The following TMEM132B variants were observed in gnomAD, a reference collection of about 807,000 sequenced individuals.
TMEM132B encodes the protein transmembrane protein 132B.
TMEM132B carries 18 observed loss-of-function variants against 90.8 expected under a neutral mutation model. The ratio of observed to expected loss-of-function variants is 0.20; its 90% CI spans 0.14 to 0.29. TMEM132B has a LOEUF of 0.29. Among genes scored for constraint, TMEM132B ranks in the 10% least tolerant of loss-of-function variants. The pLI is 1.00. For missense variants in TMEM132B, 1,096 were observed against 1,326.8 expected, an observed-to-expected ratio of 0.83 and a Z score of 2.70; for synonymous variants, 504 against 523.3, an observed-to-expected ratio of 0.96 and a Z score of 0.50.
intron 1 of TMEM132B, among the ~76,000 whole-genome samples, chr12:125,191,828 C>A (rs929086232): frequency 2.0e-5 from 3 of 152,126 alleles, no homozygotes; most frequent in African/African-American, 7.2e-5. Flanking sequence ...CTGGTTTATC[C>A]CCTTGGCCAC....
At chr12:125,508,034 C>T (rs111344872) in intron 3 of TMEM132B, among the ~76,000 whole-genome samples, 1,734 of 152,236 alleles carry the variant, frequency 0.011, 11 homozygotes, top group Middle Eastern at 0.034. Context: ...CAGCAGGCTT[C>T]CTGGACACAT....
intron 3 of TMEM132B, among the ~76,000 whole-genome samples, chr12:125,518,293 A>G (rs1417500151): frequency 6.6e-6 from 1 of 152,216 alleles, no homozygotes; most frequent in Non-Finnish European, 1.5e-5. Context: ...TTACACAAGC[A>G]GCAGGCAGCA....
intron 1 of TMEM132B, among the ~76,000 whole-genome samples, chr12:125,273,825 G>A (rs1026845501): frequency 1.3e-5 from 2 of 151,992 alleles, no homozygotes; most frequent in African/African-American, 2.4e-5. Flanking sequence ...ACCACCACAC[G>A]GGCTAATTTT....
chr12:125,613,372 A>G (rs1363263544), intron 5 of TMEM132B, among the ~76,000 whole-genome samples: 1 of 150,510 alleles, frequency 6.6e-6, no homozygotes, highest in African/African-American at 2.4e-5. Context: ...CCTGTAGACA[A>G]CATAGTTGGA....
intron 5 of TMEM132B, among the ~76,000 whole-genome samples, chr12:125,626,728 T>C (rs934802407): frequency 2.6e-5 from 4 of 152,190 alleles, no homozygotes; most frequent in Non-Finnish European, 5.9e-5. Flanking sequence ...GGATTTTCTC[T>C]TTGCTTTTGG....
chr12:125,564,189 G>A (rs1322244715), intron 4 of TMEM132B, among the ~76,000 whole-genome samples: 2 of 152,218 alleles, frequency 1.3e-5, no homozygotes, highest in Non-Finnish European at 2.9e-5. Flanking sequence ...TCATGAGAGC[G>A]AGGGCAACAC....
rs372521741 is a variant in TMEM132B, at chr12:125,564,203, G to A, written c.1294-19648G>A. Among the ~76,000 whole-genome samples, 6 of 152,194 alleles carry A rather than the reference G, an allele frequency of 3.9e-5. No individual in the cohort carries two copies. In the South Asian group the frequency reaches 6.2e-4, roughly 16 times the overall value. On this transcript the variant is annotated intron_variant, in intron 4 of 8. Coordinates refer to ENST00000682704, the MANE Select transcript of TMEM132B (RefSeq NM_001366854.1). Reference sequence around the variant, plus strand: ...TTCATGAGAGCGAGGGCAACACAGCGGTTACTTTGAATGATAATAAAATAG... The same window carrying A: ...TTCATGAGAGCGAGGGCAACACAGCAGTTACTTTGAATGATAATAAAATAG...
chr12:125,302,928 C>G (rs1029047129), intron 1 of TMEM132B, among the ~76,000 whole-genome samples: 3 of 152,082 alleles, frequency 2.0e-5, no homozygotes, highest in African/African-American at 7.2e-5. Flanking sequence ...GAAATCCCGT[C>G]TCTACTAAAA....
rs141506605 is a variant in TMEM132B, at chr12:125,450,945, C to A, written c.1106+35268C>A. Reference sequence around the variant, plus strand: ...AATCATGAGGAAACATTAGACAAACCCCAAATCAGGAGAGATCTATTTTTT... The same window carrying A: ...AATCATGAGGAAACATTAGACAAACACCAAATCAGGAGAGATCTATTTTTT... On this transcript the variant is annotated intron_variant, in intron 3 of 8. Coordinates refer to ENST00000682704, the MANE Select transcript of TMEM132B (RefSeq NM_001366854.1). Among the ~76,000 whole-genome samples, 291 of 152,044 alleles carry A rather than the reference C, an allele frequency of 1.9e-3. 2 individuals carry two copies. The highest frequency in any genetic ancestry group is 6.6e-3 in the African/African-American group (274 of 41,472).
rs142337951 is a variant in TMEM132B at position 125,278,450 on chromosome 12, T to A, written c.68-71002T>A. ...ATTTAACTGTCAATCAAGGTCATCT[T>A]TCCATGTCAAAAATGGGAATCTCCA... On this transcript the variant is annotated intron_variant, in intron 1 of 8. Coordinates refer to ENST00000682704, the MANE Select transcript of TMEM132B (RefSeq NM_001366854.1). Among the ~76,000 whole-genome samples, 65 of 151,300 alleles carry A rather than the reference T, an allele frequency of 4.3e-4. 1 individual carries two copies. The highest frequency in any genetic ancestry group is 7.7e-4 in the Non-Finnish European group (52 of 67,936).
intron 3 of TMEM132B, among the ~76,000 whole-genome samples, chr12:125,463,584 T>G (rs1881492938): frequency 6.6e-6 from 1 of 152,198 alleles, no homozygotes; most frequent in African/African-American, 2.4e-5. Flanking sequence ...AGAAGCAATA[T>G]GTAGTCACCC....
intron 3 of TMEM132B, among the ~76,000 whole-genome samples, chr12:125,423,529 G>T (rs934594714): frequency 2.0e-5 from 3 of 152,180 alleles, no homozygotes; most frequent in African/African-American, 7.2e-5. Flanking sequence ...GAAAAGAAAA[G>T]AAACATTTAA....
chr12:125,542,164 T>A (rs1883976508), intron 4 of TMEM132B, among the ~76,000 whole-genome samples: 1 of 152,028 alleles, frequency 6.6e-6, no homozygotes, highest in Non-Finnish European at 1.5e-5. Context: ...TTTGATTTGC[T>A]CTTTGACCTG....
At position 125,551,492 on chromosome 12, in the gene TMEM132B, A is replaced by G. The variant is rs1468173242; in HGVS notation, c.1293+31867A>G. Among the ~76,000 whole-genome samples the G allele has an allele frequency of 2.0e-5, 3 of 152,102 alleles. No homozygotes were observed. In the East Asian group the frequency reaches 5.8e-4, roughly 29 times the overall value. ...TTTCTTAGTCTAGAAAATCTGTGAA[A>G]CATAGACAGTCATAAAGAAGAATGA... is the stretch of plus-strand genomic sequence containing the variant. On this transcript the variant is annotated intron_variant, in intron 4 of 8. Transcript: ENST00000682704.
At chr12:125,549,638 A>G (rs1832769995) in intron 4 of TMEM132B, among the ~76,000 whole-genome samples, 1 of 152,158 alleles carries the variant, frequency 6.6e-6, no homozygotes, top group African/African-American at 2.4e-5. Flanking sequence ...CTGGGAGACA[A>G]ATTTTATTTT....
rs1413470013 is a variant in TMEM132B, at chr12:125,277,343, G to T, written c.68-72109G>T. ...AAAATACAAAAATTAGCTGGGCGTGGTGGTGGGCTCCTGTAATCCCAGCTA... is the reference window on the plus strand; with the variant it reads ...AAAATACAAAAATTAGCTGGGCGTGTTGGTGGGCTCCTGTAATCCCAGCTA... On this transcript the variant is annotated intron_variant, in intron 1 of 8. Coordinates refer to ENST00000682704, the MANE Select transcript of TMEM132B (RefSeq NM_001366854.1). The surrounding 1 kb of genome is among the most constrained non-coding windows in gnomAD (Gnocchi z 4.3). Among the ~76,000 whole-genome samples, 1 of 152,090 alleles carries T rather than the reference G, an allele frequency of 6.6e-6. No homozygotes were observed.
At chr12:125,574,434 TTGC>T (rs1328518248) in intron 4 of TMEM132B, among the ~76,000 whole-genome samples, 2 of 151,962 alleles carry the variant, frequency 1.3e-5, no homozygotes, top group African/African-American at 4.8e-5. Context: ...GTGGAAGGAG[TTGC>T]TGCTATCTTT....
intron 3 of TMEM132B, among the ~76,000 whole-genome samples, chr12:125,448,435 A>G (rs1406770172): frequency 6.6e-6 from 1 of 152,158 alleles, no homozygotes; most frequent in African/African-American, 2.4e-5. Flanking sequence ...TATAGATTGA[A>G]TGGATCTTTC....
chr12:125,606,812 A>C (rs1289749776), intron 5 of TMEM132B, among the ~76,000 whole-genome samples: 1 of 152,116 alleles, frequency 6.6e-6, no homozygotes, highest in Non-Finnish European at 1.5e-5. Context: ...GGCAGGTGCT[A>C]CTCGGCCTTA....
Sources: gnomAD v4.1 joint callset for allele counts (sites outside exome capture counted in the v4.1 genomes callset) on GRCh38, gnomAD v4.1.1 for gene constraint, Gnocchi (gnomAD v3.1) non-coding constraint, MANE v1.5 for transcripts, NCBI Gene and HGNC (gene_info 2026-07-23, HGNC 2026-07-21) for gene names.